AURKC: variants seen among roughly 807,000 people sequenced by gnomAD.
AURKC encodes the protein aurora kinase C, also known as ARK-3.
Under a neutral mutation model 29.2 loss-of-function variants are expected in AURKC, and 15 were observed. That is an observed-to-expected ratio of 0.51 (90% CI 0.34 to 0.79). The LOEUF is 0.79. Among genes scored for constraint, AURKC ranks in the 30% least tolerant of loss-of-function variants. The pLI is 0.01. For missense variants in AURKC, 332 were observed against 383.2 expected, an observed-to-expected ratio of 0.87 and a Z score of 1.12; for synonymous variants, 150 against 149.9, an observed-to-expected ratio of 1.00 and a Z score of -0.01.
rs1208187028 is a variant in AURKC, at chr19:57,233,049, G to A, written c.435+369G>A. Among the ~76,000 whole-genome samples, 4 of 152,168 alleles carry A rather than the reference G, an allele frequency of 2.6e-5. No individual in the cohort carries two copies. The East Asian group carries it at 7.7e-4, about 29-fold the overall frequency. On this transcript the variant is annotated intron_variant, in intron 4 of 6. Transcript: ENST00000302804. ...ACAAAGAGATTTCTAGAGGGTTCCG[G>A]AAAGGGAACCATGGCAATGATTTTC...
In AURKC at chr19:57,232,868, T is replaced by C. The variant is rs1185392049; in HGVS notation, c.435+188T>C. On this transcript the variant is annotated intron_variant, in intron 4 of 6. Transcript: ENST00000302804. The surrounding 1 kb of genome is among the most constrained non-coding windows in gnomAD (Gnocchi z 4.5). ...TCCTTGGATACCCTAATTAACCTCATTGTATCTCCAGAATATTAATAAGTA... is the reference window on the plus strand; with the variant it reads ...TCCTTGGATACCCTAATTAACCTCACTGTATCTCCAGAATATTAATAAGTA... Among the ~76,000 whole-genome samples the C allele has an allele frequency of 6.6e-6, 1 of 152,194 alleles. No homozygotes were observed. The highest frequency in any genetic ancestry group is 1.5e-5 in the Non-Finnish European group (1 of 68,022).
In AURKC at chr19:57,233,540, G is replaced by T; in HGVS notation, c.516G>T (p.Leu172=). The change falls in exon 5 of 7, where the codon CTG becomes CTT. Residue 172 remains leucine (L), a synonymous_variant. Coordinates refer to ENST00000302804, the MANE Select transcript of AURKC (RefSeq NM_001015878.2). ...ACAGAGATATTAAGCCAGAGAACCT[G>T]CTGCTGGGGTTCAGGGGTGAGGTGA... The part of the protein sequence containing the change: ...VIHRDIKPEN[L]LLGFRGEVKI... The T allele has an allele frequency of 1.9e-6, 3 of 1,614,194 alleles. No homozygotes were observed. The African/African-American group carries it at 4.0e-5, about 22-fold the overall frequency.
chr19:57,231,067 T>A lies in AURKC; in HGVS notation c.-182T>A. 1.4e-6 allele frequency: 2 copies of A among 1,419,908 alleles called. No homozygotes were observed. The highest frequency in any genetic ancestry group is 2.0e-6 in the Non-Finnish European group (2 of 1,025,614). The allele number at this position is 1,419,908 out of a possible 1,614,324, so 88.0% of individuals were successfully genotyped here. A position where few individuals can be genotyped will look rare whatever the true frequency, so the allele number is the denominator to read the frequency against. ...TAAAAGAAGGCCGCGCAGCCACGGC[T>A]GCTCACGACGCCGCGGATCCCGAAG... On this transcript the variant is annotated 5_prime_UTR_variant, in exon 1 of 7. Transcript: ENST00000302804.
Position 57,232,136 on chromosome 19 carries a change from G to A in AURKC, c.208G>A (p.Ala70Thr). The A allele has an allele frequency of 1.9e-6, 3 of 1,614,074 alleles. No homozygotes were observed. Among genetic ancestry groups the A allele is most frequent in the Non-Finnish European group, 2.5e-6 (3 of 1,180,022 alleles). ...GCTCAAGGAAAGCCATTTCATTGTG[G>A]CCCTGAAGGTTCTCTTCAAGTCGCA... is the stretch of plus-strand genomic sequence containing the variant. ...ARLKESHFIV[A>T]LKVLFKSQIE... Residue 70 changes from alanine (A) to threonine (T), a missense_variant, in exon 3 of 7, where the codon GCC becomes ACC. Transcript: ENST00000302804. This position sits in a 1 kb window ranked among gnomAD's most constrained non-coding sequence, Gnocchi z 4.5.
rs1479376583 is a variant in AURKC at position 57,233,549 on chromosome 19, G to A, written c.525G>A (p.Gly175=). 1.2e-6 allele frequency: 2 copies of A among 1,614,166 alleles called. No homozygotes were observed. The highest frequency in any genetic ancestry group is 1.7e-5 in the Admixed American group (1 of 60,026). Residue 175 remains glycine, a synonymous_variant, in exon 5 of 7, where the codon GGG becomes GGA. Coordinates refer to ENST00000302804, the MANE Select transcript of AURKC (RefSeq NM_001015878.2). ...RDIKPENLLL[G]FRGEVKIADF... Reference sequence around the variant, plus strand: ...TTAAGCCAGAGAACCTGCTGCTGGGGTTCAGGGGTGAGGTGAAGATTGCAG... The same window carrying A: ...TTAAGCCAGAGAACCTGCTGCTGGGATTCAGGGGTGAGGTGAAGATTGCAG...
Position 57,231,031 on chromosome 19 carries a change from G to C in AURKC, c.-218G>C. On this transcript the variant is annotated 5_prime_UTR_variant, in exon 1 of 7. Transcript: ENST00000302804. ...CCAGGAAGTACCTCTCTGAGCGGTT[G>C]GTGCCGGGTATAAAAGAAGGCCGCG... 1 of 1,096,138 alleles carries C rather than the reference G, an allele frequency of 9.1e-7. No individual in the cohort carries two copies. 67.9% of individuals were successfully genotyped at this position (1,096,138 alleles called of 1,614,324 possible).
At chr19:57,233,434 A>C in intron 4 of AURKC, 26 bp from the exon 5 acceptor site, 1 of 1,614,110 alleles carries the variant, frequency 6.2e-7, no homozygotes, top group Non-Finnish European at 8.5e-7. Flanking sequence ...CTTCACTTCC[A>C]GGGTGACTTT....
At chr19:57,235,211 A>G in intron 6 of AURKC, 36 bp from the exon 7 acceptor site, 1 of 1,613,726 alleles carries the variant, frequency 6.2e-7, no homozygotes, top group East Asian at 2.2e-5. Context: ...AAAGAAATTA[A>G]CCAGACTTCT....
At chr19:57,233,367 C>A in intron 4 of AURKC, 93 bp from the exon 5 acceptor site, 1 of 1,576,506 alleles carries the variant, frequency 6.3e-7, no homozygotes, top group Non-Finnish European at 8.7e-7. Flanking sequence ...AAAAAGATTC[C>A]ACTGTAATCA....
In AURKC at chr19:57,231,767, G is replaced by C. The variant is rs1425006689; in HGVS notation, c.84G>C (p.Gln28His). 1 of 1,613,048 alleles carries C rather than the reference G, an allele frequency of 6.2e-7. No homozygotes were observed. Among genetic ancestry groups the C allele is most frequent in the East Asian group, 2.2e-5 (1 of 44,826 alleles). ...EELATANQTA[Q>H]QPSSPAMRRL... is the part of the protein sequence containing the mutation. ...TGGCTACAGCAAACCAAACAGCCCAGCAGCCCAGCAGCCCAGCCATGTGAG... is the reference window on the plus strand; with the variant it reads ...TGGCTACAGCAAACCAAACAGCCCACCAGCCCAGCAGCCCAGCCATGTGAG... Residue 28 changes from glutamine to histidine, a missense_variant, in exon 2 of 7, where the codon CAG becomes CAC. By Grantham distance (24) the Gln-to-His change is conservative. Transcript: ENST00000302804.
Position 57,231,260 on chromosome 19 carries a change from C to A in AURKC, c.12C>A (p.Pro4=). 2 of 1,552,262 alleles carry A rather than the reference C, an allele frequency of 1.3e-6. No homozygotes were observed. Among genetic ancestry groups the A allele is most frequent in the East Asian group, 2.4e-5 (1 of 40,924 alleles). The change falls in exon 1 of 7, where the codon CCC becomes CCA. Residue 4 remains proline (P), a synonymous_variant. Coordinates refer to ENST00000302804, the MANE Select transcript of AURKC (RefSeq NM_001015878.2). MSS[P]RAVVQLGKAQ... ...CACCTCTTCTCCCCATGAGCTCCCC[C>A]AGAGCTGTGGTGCAGCTGGGCAAAG...
intron 1 of AURKC, 197 bp from the exon 2 acceptor site, chr19:57,231,545 C>A: frequency 1.3e-6 from 1 of 757,972 alleles, no homozygotes; most frequent in South Asian, 1.7e-5. Flanking sequence ...CCCTACCTTA[C>A]CTTACTCTTT....
At position 57,233,625 on chromosome 19, in the gene AURKC, T is replaced by C. The variant is rs1476951483; in HGVS notation, c.584+17T>C. ...CTCCCTGAGGTAGGTCAGGTGGTGG[T>C]GGTAGGGTGAGTTCTGAGTACCAGT... On this transcript the variant is annotated intron_variant, in intron 5 of 6. Coordinates refer to ENST00000302804, the MANE Select transcript of AURKC (RefSeq NM_001015878.2). 1 of 1,613,136 alleles carries C rather than the reference T, an allele frequency of 6.2e-7. No individual in the cohort carries two copies. The highest frequency in any genetic ancestry group is 1.3e-5 in the African/African-American group (1 of 74,894).
intron 5 of AURKC, 27 bp from the exon 6 acceptor site, chr19:57,234,857 C>A: frequency 6.2e-7 from 1 of 1,613,960 alleles, no homozygotes; most frequent in Non-Finnish European, 8.5e-7. Flanking sequence ...CTGCTTAGTA[C>A]TTATTCCCTT....
chr19:57,234,320 T>C (rs758162722), intron 5 of AURKC, among the ~76,000 whole-genome samples: 2 of 152,200 alleles, frequency 1.3e-5, no homozygotes, highest in Non-Finnish European at 2.9e-5. Context: ...CCTCCCAAAG[T>C]GCTGGGATCA....
chr19:57,235,096 G>A (rs987196854), intron 6 of AURKC, 38 bp downstream of exon 6: 6 of 1,613,524 alleles, frequency 3.7e-6, no homozygotes, highest in Admixed American at 3.3e-5. Flanking sequence ...GGGGGAGCTG[G>A]TCAGTGATGG....
chr19:57,234,379 A>G (rs941792438), intron 5 of AURKC, among the ~76,000 whole-genome samples: 2 of 152,160 alleles, frequency 1.3e-5, no homozygotes, highest in African/African-American at 4.8e-5. Flanking sequence ...TCAAACACCT[A>G]TACTTGATAT....
intron 1 of AURKC, 68 bp from the exon 2 acceptor site, chr19:57,231,672 CCT>C (rs1345738009): frequency 1.3e-6 from 2 of 1,576,740 alleles, no homozygotes; most frequent in Non-Finnish European, 1.7e-6. Context: ...GTTCTCCTCT[CCT>C]CTCTTTCTCT....
intron 2 of AURKC, 38 bp from the exon 3 acceptor site, chr19:57,231,995 C>T: frequency 1.2e-6 from 2 of 1,613,412 alleles, no homozygotes; most frequent in Non-Finnish European, 1.7e-6. Flanking sequence ...GCCTACCCTA[C>T]CTCCCAAGCT....
Sources: allele counts gnomAD v4.1 joint callset (sites outside exome capture counted in the v4.1 genomes callset), GRCh38; gene constraint gnomAD v4.1.1; non-coding constraint Gnocchi (gnomAD v3.1); transcripts MANE v1.5; gene names NCBI Gene and HGNC (gene_info 2026-07-23, HGNC 2026-07-21).